Variants in COL4A3 observed in about 807,000 individuals in gnomAD.
The protein encoded by COL4A3 is collagen alpha-3(IV) chain.
A neutral mutation model predicts 217.4 loss-of-function variants in COL4A3; 135 were observed. That is an observed-to-expected ratio of 0.62 (90% CI 0.54 to 0.72). COL4A3 has a LOEUF of 0.72. Ranked by LOEUF, COL4A3 falls within the 30% of genes least tolerant of loss-of-function variation. The probability of loss-of-function intolerance (pLI) is 0.00; values close to 1 mark genes in which losing one functional copy is unlikely to be tolerated. For synonymous variants in COL4A3, 690 were observed against 736.3 expected, an observed-to-expected ratio of 0.94 and a Z score of 1.02; for missense variants, 1,868 against 2,119.9, an observed-to-expected ratio of 0.88 and a Z score of 2.33.
chr2:227,240,945 T>C (rs2068982428), intron 3 of COL4A3, among the ~76,000 whole-genome samples: 1 of 152,224 alleles, frequency 6.6e-6, no homozygotes, highest in Non-Finnish European at 1.5e-5. Context: ...TGAACCCCTC[T>C]GCTTAGTTTC....
At chr2:227,201,774 C>T (rs1287268297) in intron 1 of COL4A3, among the ~76,000 whole-genome samples, 4 of 152,228 alleles carry the variant, frequency 2.6e-5, no homozygotes, top group Non-Finnish European at 5.9e-5. Flanking sequence ...GTATGTGTTT[C>T]TCCTATTGAA....
chr2:227,252,212 C>CTT (rs72162625), intron 11 of COL4A3, among the ~76,000 whole-genome samples: 26 of 82,834 alleles, frequency 3.1e-4, no homozygotes, highest in African/African-American at 5.4e-4. Context: ...TTCTTTCTTT[C>CTT]TTTTTTTTTT....
chr2:227,250,338 TGATAGATAGATAGATAGATA>T lies in COL4A3; in HGVS notation c.547-773_547-754del, dbSNP rs59489597. 8.8e-3 allele frequency among the ~76,000 whole-genome samples: 1,297 copies of T among 146,712 alleles called. 20 individuals are homozygous for T. Among genetic ancestry groups the T allele is most frequent in the African/African-American group, 0.031 (1,210 of 39,396 alleles). ...AAAAAATAGGTAGATAGATAAAAGATGATAGATAGATAGATAGATAGATAGATAGATAGATAGATAGATAG... is the reference window on the plus strand; with the variant it reads ...AAAAAATAGGTAGATAGATAAAAGATGATAGATAGATAGATAGATAGATAG... On this transcript the variant is annotated intron_variant, in intron 9 of 51. Coordinates refer to ENST00000396578, the MANE Select transcript of COL4A3 (RefSeq NM_000091.5). The surrounding 1 kb of genome is among the most constrained non-coding windows in gnomAD (Gnocchi z 4.1).
intron 5 of COL4A3, among the ~76,000 whole-genome samples, chr2:227,245,246 CT>C (rs1657673224): frequency 6.6e-6 from 1 of 151,564 alleles, no homozygotes; most frequent in South Asian, 2.1e-4. Flanking sequence ...TAAGTCGGCC[CT>C]CCATATCCAG....
Position 227,307,776 on chromosome 2 carries a change from C to T in COL4A3, c.4319C>T (p.Thr1440Ile), listed in dbSNP as rs752734671. Reference protein sequence around the residue: ...GKRGDSGSPATWTTRGFVFTR... With the variant: ...GKRGDSGSPAIWTTRGFVFTR... ...CGTGGAGACAGTGGATCACCTGCAA[C>T]CTGGACAACGAGAGGCTTTGTCTTC... Residue 1440 changes from threonine (T) to isoleucine (I), a missense_variant, in exon 48 of 52, where the codon ACC becomes ATC. Transcript: ENST00000396578. 5.6e-6 allele frequency: 9 copies of T among 1,614,150 alleles called. No individual in the cohort carries two copies. The Admixed American group carries it at 6.7e-5, about 12-fold the overall frequency.
At chr2:227,308,556 A>T (rs1045675788) in intron 48 of COL4A3, among the ~76,000 whole-genome samples, 21 of 152,146 alleles carry the variant, frequency 1.4e-4, no homozygotes, top group Non-Finnish European at 2.6e-4. Flanking sequence ...GCTTTTCTAA[A>T]CCTTTATTTG....
intron 1 of COL4A3, among the ~76,000 whole-genome samples, chr2:227,234,128 G>A (rs1008499635): frequency 1.5e-4 from 23 of 152,100 alleles, no homozygotes; most frequent in African/African-American, 2.9e-4. Flanking sequence ...GTCATGTTGC[G>A]TGCAGTCTAC....
In COL4A3 at chr2:227,209,119, G is replaced by A. The variant is rs76126235; in HGVS notation, c.88-28849G>A. ...ACAAAACATGACTTGAGAAAAAGTG[G>A]CTCTGCCAACCATGGTCATACATCA... is the stretch of plus-strand genomic sequence containing the variant. On this transcript the variant is annotated intron_variant, in intron 1 of 51. Coordinates refer to ENST00000396578, the MANE Select transcript of COL4A3 (RefSeq NM_000091.5). Among the ~76,000 whole-genome samples, 391 of 152,294 alleles carry A rather than the reference G, an allele frequency of 2.6e-3. 1 individual carries two copies. The highest frequency in any genetic ancestry group is 9.0e-3 in the African/African-American group (373 of 41,568).
In COL4A3 at chr2:227,303,033, T is replaced by C. The variant is rs2106267309; in HGVS notation, c.3883-5T>C. On this transcript the variant is annotated splice_region_variant and splice_polypyrimidine_tract_variant and intron_variant, in intron 43 of 51. Transcript: ENST00000396578. Reference sequence around the variant, plus strand: ...TTGGTTCTGCTCCCTTTATTTGAAATATAGGGAGCACCAGGTACTCCAGGT... The same window carrying C: ...TTGGTTCTGCTCCCTTTATTTGAAACATAGGGAGCACCAGGTACTCCAGGT... 6.2e-7 allele frequency: 1 copy of C among 1,609,006 alleles called. No individual in the cohort carries two copies. Among genetic ancestry groups the C allele is most frequent in the Non-Finnish European group, 8.5e-7 (1 of 1,175,382 alleles).
chr2:227,237,396 G>A (rs1452564293), intron 1 of COL4A3, among the ~76,000 whole-genome samples: 1 of 152,102 alleles, frequency 6.6e-6, no homozygotes, highest in African/African-American at 2.4e-5. Flanking sequence ...AGTTATTGTG[G>A]CTTTTGCCAT....
intron 1 of COL4A3, among the ~76,000 whole-genome samples, chr2:227,197,762 C>T (rs1156244536): frequency 2.6e-5 from 4 of 152,214 alleles, no homozygotes; most frequent in Non-Finnish European, 5.9e-5. Flanking sequence ...AGTCAATACT[C>T]TCTGAGCCCA....
chr2:227,253,449 T>C lies in COL4A3; in HGVS notation c.687+112T>C, dbSNP rs777961037. ...CTGAAATTGATGGGCCTTCATTTGT[T>C]CTATCTTCCCGTATAAGCACTAAAG... On this transcript the variant is annotated intron_variant, in intron 12 of 51. Coordinates refer to ENST00000396578, the MANE Select transcript of COL4A3 (RefSeq NM_000091.5). The surrounding 1 kb of genome is among the most constrained non-coding windows in gnomAD (Gnocchi z 4.4). 1 of 1,421,462 alleles carries C rather than the reference T, an allele frequency of 7.0e-7. No homozygotes were observed. The allele number at this position is 1,421,462 out of a possible 1,614,324, so 88.1% of individuals were successfully genotyped here. A position where few individuals can be genotyped will look rare whatever the true frequency, so the allele number is the denominator to read the frequency against.
intron 17 of COL4A3, among the ~76,000 whole-genome samples, 163 bp from the exon 18 acceptor site, chr2:227,257,440 C>T (rs1169199434): frequency 6.6e-6 from 1 of 152,200 alleles, no homozygotes; most frequent in African/African-American, 2.4e-5. Context: ...GATACGCGCT[C>T]TCCAGGAAAA....
Position 227,273,107 on chromosome 2 carries a change from C to T in COL4A3, c.1917C>T (p.Pro639=), listed in dbSNP as rs369320502. The change falls in exon 26 of 52, where the codon CCC becomes CCT. Residue 639 remains proline, a synonymous_variant. Transcript: ENST00000396578. ...TQGVPGAPGP[P]GEAGPRGELS... The stretch of plus-strand genomic sequence containing the variant: ...GAGTTCCTGGAGCCCCCGGACCACC[C>T]GGAGAAGCCGGTTGGTTAGTTTTCT... The T allele has an allele frequency of 4.9e-5, 79 of 1,613,524 alleles. No homozygotes were observed. Among genetic ancestry groups the T allele is most frequent in the Admixed American group, 3.8e-4 (23 of 59,990 alleles).
intron 9 of COL4A3, among the ~76,000 whole-genome samples, chr2:227,249,232 T>A (rs200221143): frequency 6.2e-3 from 87 of 14,140 alleles, no homozygotes; most frequent in African/African-American, 0.011. Flanking sequence ...ATATATATAT[T>A]TTTTTTTTTT....
intron 1 of COL4A3, among the ~76,000 whole-genome samples, chr2:227,228,785 A>C (rs748943276): frequency 2.0e-5 from 3 of 152,230 alleles, no homozygotes; most frequent in Non-Finnish European, 2.9e-5. Context: ...AAGGATAAAA[A>C]GATAATTGTT....
At chr2:227,298,949 GA>G in intron 43 of COL4A3, 137 bp downstream of exon 43, 1 of 837,650 alleles carries the variant, frequency 1.2e-6, no homozygotes, top group Non-Finnish European at 1.8e-6. Flanking sequence ...AGACATACCC[GA>G]GACTGGGTAA....
chr2:227,294,505 A>G lies in COL4A3; in HGVS notation c.3353A>G (p.His1118Arg), dbSNP rs763137687. The change falls in exon 39 of 52, where the codon CAT becomes CGT. Residue 1118 changes from histidine to arginine, a missense_variant. Transcript: ENST00000396578. ...TCATTTCCAGGAAAGCCAGGTCCTC[A>G]TGGTGATTTGGGTTTTAAAGGAATC... ...SPGLPGKPGP[H>R]GDLGFKGIKG... The G allele has an allele frequency of 2.5e-6, 4 of 1,612,410 alleles. No individual in the cohort carries two copies. The highest frequency in any genetic ancestry group is 1.7e-5 in the Admixed American group (1 of 60,008).
chr2:227,188,512 T>C (rs1166780462), intron 1 of COL4A3, among the ~76,000 whole-genome samples: 2 of 151,704 alleles, frequency 1.3e-5, no homozygotes, highest in African/African-American at 4.8e-5. Flanking sequence ...CCCCACTCCA[T>C]CTCACGTAAC....
Sources: allele counts gnomAD v4.1 joint callset (sites outside exome capture counted in the v4.1 genomes callset), GRCh38; gene constraint gnomAD v4.1.1; non-coding constraint Gnocchi (gnomAD v3.1); transcripts MANE v1.5; gene names NCBI Gene and HGNC (gene_info 2026-07-23, HGNC 2026-07-21).